The following GLMN variants were observed in gnomAD, a reference collection of about 807,000 sequenced individuals.
The protein encoded by GLMN is glomulin, FKBP associated protein.
In GLMN, 75 loss-of-function variants were observed where a neutral mutation model predicts 87.8. The ratio of observed to expected loss-of-function variants is 0.85; its 90% CI spans 0.71 to 1.04. The LOEUF is 1.04. Ranked by LOEUF, GLMN falls within the 50% of genes least tolerant of loss-of-function variation. The pLI is 0.00. For missense variants in GLMN, 588 were observed against 658.8 expected (o/e 0.89, Z 1.18); for synonymous variants, 206 against 221.6 (o/e 0.93, Z 0.63).
At chr1:92,257,189 T>A (rs1243018608) in intron 16 of GLMN, among the ~76,000 whole-genome samples, 1 of 152,080 alleles carries the variant, frequency 6.6e-6, no homozygotes, top group Admixed American at 6.5e-5. Flanking sequence ...GAATCCAACT[T>A]GCAAGGGATG....
the GLMN span, among the ~76,000 whole-genome samples, chr1:92,349,471 G>GA: frequency 2.7e-4 from 41 of 152,130 alleles, no homozygotes; most frequent in African/African-American, 7.7e-4. Context: ...GTTAAAGGGG[G>GA]AAAAAAATCA....
intron 16 of GLMN, among the ~76,000 whole-genome samples, chr1:92,259,732 C>CTTTTTTTTTTTTTTTTTTTTTCTTTT (rs58390058): frequency 9.2e-6 from 1 of 108,192 alleles, no homozygotes; most frequent in Non-Finnish European, 1.8e-5. Context: ...TTTTTTCTTT[C>CTTTTTTTTTTTTTTTTTTTTTCTTTT]TTTTTTTTTT....
chr1:92,253,459 G>A (rs1018749509), intron 16 of GLMN, among the ~76,000 whole-genome samples: 16 of 152,180 alleles, frequency 1.1e-4, no homozygotes, highest in African/African-American at 3.9e-4. Flanking sequence ...CTGACCCCTC[G>A]TGCTTCCTGA....
At chr1:92,364,271 A>G in the GLMN span, among the ~76,000 whole-genome samples, 2 of 152,170 alleles carry the variant, frequency 1.3e-5, no homozygotes, top group Non-Finnish European at 2.9e-5. Context: ...AGATTGCAAC[A>G]TTTATCTCAG....
chr1:92,265,148 A>G (rs1655470578), intron 13 of GLMN, among the ~76,000 whole-genome samples: 1 of 152,124 alleles, frequency 6.6e-6, no homozygotes, highest in Non-Finnish European at 1.5e-5. Flanking sequence ...GCCGGTAAAT[A>G]CTTATTTATA....
chr1:92,254,011 G>A (rs749338386), intron 16 of GLMN, among the ~76,000 whole-genome samples: 2 of 152,164 alleles, frequency 1.3e-5, no homozygotes, highest in Non-Finnish European at 2.9e-5. Flanking sequence ...AAGGAGCTAA[G>A]AACCTTGATA....
the GLMN span, among the ~76,000 whole-genome samples, chr1:92,346,169 G>GT: frequency 8.7e-3 from 1,214 of 140,294 alleles, 10 homozygotes; most frequent in African/African-American, 0.014. Flanking sequence ...TCTCTTTTTT[G>GT]TTTTTTTTTT....
chr1:92,294,266 A>C (rs1386331946), intron 3 of GLMN, among the ~76,000 whole-genome samples: 2 of 152,158 alleles, frequency 1.3e-5, no homozygotes, highest in East Asian at 3.8e-4. Flanking sequence ...TTTTTTAAAA[A>C]AAATCTGATC....
intron 3 of GLMN, 22 bp from the exon 4 acceptor site, chr1:92,291,559 A>G (rs1649412921): frequency 6.2e-7 from 1 of 1,612,494 alleles, no homozygotes; most frequent in East Asian, 2.2e-5. Flanking sequence ...TTTTCAGAGT[A>G]AAGCAAACAC....
the GLMN span, among the ~76,000 whole-genome samples, chr1:92,309,684 T>C: frequency 6.6e-6 from 1 of 152,124 alleles, no homozygotes; most frequent in Non-Finnish European, 1.5e-5. Flanking sequence ...AGAACATGAA[T>C]TAAACAAGTT....
the GLMN span, among the ~76,000 whole-genome samples, chr1:92,356,992 G>C: frequency 1.3e-5 from 2 of 151,884 alleles, no homozygotes; most frequent in African/African-American, 4.8e-5. Flanking sequence ...CTTGAACTCA[G>C]GAAGCAGAGG....
At chr1:92,286,444 T>G in intron 7 of GLMN, 46 bp downstream of exon 7, 1 of 902,466 alleles carries the variant, frequency 1.1e-6, no homozygotes. Context: ...GAGAATATAG[T>G]GGGATAACAT....
chr1:92,246,639 T>C lies in GLMN; in HGVS notation c.1676A>G (p.His559Arg). The C allele has an allele frequency of 3.3e-6, 5 of 1,505,514 alleles. No individual in the cohort carries two copies. The highest frequency in any genetic ancestry group is 4.6e-6 in the Non-Finnish European group (5 of 1,080,800). 93.3% of individuals were successfully genotyped at this position (1,505,514 alleles called of 1,614,324 possible). ...CAAATCAAATGTGAAAAGAGCTGAA[T>C]GCAGGACCTGCAATGCCAAGAAAAA... ...MPPEMQLKVL[H>R]SALFTFDLIE... Residue 559 changes from histidine (H) to arginine (R), a missense_variant, in exon 19 of 19, where the codon CAT becomes CGT. Coordinates refer to ENST00000370360, the MANE Select transcript of GLMN (RefSeq NM_053274.3).
rs138439115 is a variant in GLMN at position 92,260,887 on chromosome 1, A to G, written c.1473+1976T>C. On this transcript the variant is annotated intron_variant, in intron 16 of 18. Transcript: ENST00000370360. ...ATGGATAGTATAGCAGACATTGCAC[A>G]ATGCTAAACTGCTCTCAGGTCTTCC... is the stretch of plus-strand genomic sequence containing the variant. Among the ~76,000 whole-genome samples the G allele has an allele frequency of 1.8e-3, 273 of 152,206 alleles. 3 individuals are homozygous for G. The highest frequency in any genetic ancestry group is 6.0e-3 in the African/African-American group (250 of 41,536).
the GLMN span, among the ~76,000 whole-genome samples, chr1:92,323,026 T>G: frequency 2.0e-5 from 3 of 146,696 alleles, no homozygotes; most frequent in African/African-American, 7.4e-5. Context: ...CTTTATATTT[T>G]TATATATTTA....
the GLMN span, among the ~76,000 whole-genome samples, chr1:92,354,444 T>C: frequency 6.6e-6 from 1 of 152,206 alleles, no homozygotes; most frequent in Non-Finnish European, 1.5e-5. Flanking sequence ...GAATTAGATA[T>C]AAAGTTGTAA....
chr1:92,318,108 A>G, the GLMN span, among the ~76,000 whole-genome samples: 2 of 152,160 alleles, frequency 1.3e-5, no homozygotes, highest in South Asian at 2.1e-4. Context: ...CTTGAGCTCT[A>G]CAGTCAGCGA....
chr1:92,339,197 T>C, the GLMN span, among the ~76,000 whole-genome samples: 2 of 152,106 alleles, frequency 1.3e-5, no homozygotes, highest in African/African-American at 4.8e-5. Context: ...CTAGAAACTT[T>C]AGGAAAAAAA....
At chr1:92,352,297 C>T in the GLMN span, among the ~76,000 whole-genome samples, 1 of 152,206 alleles carries the variant, frequency 6.6e-6, no homozygotes, top group African/African-American at 2.4e-5. Context: ...ACAAGCTCAA[C>T]TTGACCATGA....
Sources: gnomAD v4.1 joint callset for allele counts (sites outside exome capture counted in the v4.1 genomes callset) on GRCh38, gnomAD v4.1.1 for gene constraint, MANE v1.5 for transcripts, NCBI Gene and HGNC (gene_info 2026-07-23, HGNC 2026-07-21) for gene names.